Variants in STK32B observed in about 807,000 individuals in gnomAD.
STK32B encodes serine/threonine kinase 32B, also known as serine/threonine-protein kinase 32B.
A neutral mutation model predicts 52.6 loss-of-function variants in STK32B; 43 were observed. The ratio of observed to expected loss-of-function variants is 0.82; its 90% CI spans 0.64 to 1.05. STK32B has a LOEUF of 1.05. STK32B is among the 50% of genes least tolerant of loss of function. The pLI is 0.00. For synonymous variants in STK32B, 238 were observed against 204.3 expected, an observed-to-expected ratio of 1.17 and a Z score of -1.41; for missense variants, 621 against 534.6, an observed-to-expected ratio of 1.16 and a Z score of -1.59.
chr4:5,497,334 C>G (rs1419120500), intron 11 of STK32B, among the ~76,000 whole-genome samples: 2 of 152,188 alleles, frequency 1.3e-5, no homozygotes, highest in African/African-American at 4.8e-5. Context: ...CAAACACAGA[C>G]AGAAAATAAA....
chr4:5,493,626 G>A (rs1276312809), intron 11 of STK32B, among the ~76,000 whole-genome samples: 5 of 152,014 alleles, frequency 3.3e-5, no homozygotes, highest in African/African-American at 7.3e-5. Context: ...GCTAGCTTTT[G>A]GATGTGTTTG....
chr4:5,338,611 T>C (rs1196998260), intron 4 of STK32B, among the ~76,000 whole-genome samples: 2 of 152,216 alleles, frequency 1.3e-5, no homozygotes, highest in Admixed American at 1.3e-4. Flanking sequence ...AATGCCGATG[T>C]TCCAGAGCTG....
At chr4:5,032,956 A>G in the STK32B span, among the ~76,000 whole-genome samples, 1 of 152,034 alleles carries the variant, frequency 6.6e-6, no homozygotes, top group African/African-American at 2.4e-5. Context: ...TCATTTCTTC[A>G]TCTATAAAAT....
the STK32B span, among the ~76,000 whole-genome samples, chr4:5,039,986 C>T: frequency 2.0e-5 from 3 of 152,338 alleles, no homozygotes; most frequent in African/African-American, 2.4e-5. Flanking sequence ...TCCCACACCA[C>T]GGCTACTTCC....
chr4:5,492,519 A>C (rs1343730198), intron 11 of STK32B, among the ~76,000 whole-genome samples: 13 of 151,958 alleles, frequency 8.6e-5, no homozygotes, highest in African/African-American at 3.1e-4. Context: ...TGTCGTCTGC[A>C]AAGAGGGACA....
At chr4:5,439,177 C>G (rs1383538479) in intron 6 of STK32B, among the ~76,000 whole-genome samples, 2 of 149,122 alleles carry the variant, frequency 1.3e-5, no homozygotes, top group Admixed American at 6.7e-5. Flanking sequence ...GGAATCGCCA[C>G]ACTGACTTCC....
chr4:5,267,702 A>G (rs1383596096), intron 3 of STK32B, among the ~76,000 whole-genome samples: 4 of 152,206 alleles, frequency 2.6e-5, no homozygotes, highest in African/African-American at 9.6e-5. Context: ...ACAGCCAAAG[A>G]GTAGAGAGAG....
chr4:5,051,965 T>TC, intron 1 of STK32B, 50 bp downstream of exon 1: 1 of 1,553,430 alleles, frequency 6.4e-7, no homozygotes, highest in Non-Finnish European at 8.7e-7. Flanking sequence ...ATCCCCTTCC[T>TC]CCACCACCCT....
intron 6 of STK32B, 81 bp from the exon 7 acceptor site, chr4:5,446,592 T>G (rs3733183): frequency 1.7e-6 from 2 of 1,209,068 alleles, no homozygotes; most frequent in East Asian, 2.5e-5. Flanking sequence ...AAGCTCAATT[T>G]CTCTCCTTGT....
chr4:5,120,894 A>T (rs1294313194), intron 1 of STK32B, among the ~76,000 whole-genome samples: 4 of 151,634 alleles, frequency 2.6e-5, no homozygotes, highest in Non-Finnish European at 5.9e-5. Context: ...TTATAAAATT[A>T]TAATATATTT....
At chr4:5,189,460 T>C (rs1176091503) in intron 3 of STK32B, among the ~76,000 whole-genome samples, 1 of 152,234 alleles carries the variant, frequency 6.6e-6, no homozygotes, top group Non-Finnish European at 1.5e-5. Context: ...GTTTTAGTTT[T>C]CTGTATGTCT....
intron 1 of STK32B, among the ~76,000 whole-genome samples, chr4:5,124,651 G>T (rs1337589298): frequency 1.3e-5 from 2 of 152,210 alleles, no homozygotes; most frequent in Non-Finnish European, 2.9e-5. Flanking sequence ...TCCAGTTTGT[G>T]TTAGGCTACT....
Position 5,316,277 on chromosome 4 carries a change from T to C in STK32B, c.261-14943T>C, listed in dbSNP as rs1730712980. On this transcript the variant is annotated intron_variant, in intron 3 of 11. Coordinates refer to ENST00000282908, the MANE Select transcript of STK32B (RefSeq NM_018401.3). ...ATAATATATTATATAGTATATATAATATATTATATACAATATTATATATAA... is the reference window on the plus strand; with the variant it reads ...ATAATATATTATATAGTATATATAACATATTATATACAATATTATATATAA... 2.6e-5 allele frequency among the ~76,000 whole-genome samples: 2 copies of C among 76,954 alleles called. 1 individual carries two copies. The highest frequency in any genetic ancestry group is 1.4e-4 in the African/African-American group (2 of 14,612). The allele number at this position is 76,954 out of a possible 152,430, so 50.5% of individuals were successfully genotyped here.
At chr4:5,020,825 C>T in the STK32B span, among the ~76,000 whole-genome samples, 3 of 152,218 alleles carry the variant, frequency 2.0e-5, no homozygotes, top group African/African-American at 7.2e-5. Flanking sequence ...CTATGACCCT[C>T]ACAGCCAGCC....
chr4:5,049,361 C>A (rs1252713754), upstream of STK32B, among the ~76,000 whole-genome samples: 1 of 152,138 alleles, frequency 6.6e-6, no homozygotes, highest in African/African-American at 2.4e-5. Flanking sequence ...TTCTGTCATG[C>A]GTGTCCGTGT....
chr4:5,442,315 T>A (rs1714862589), intron 6 of STK32B, among the ~76,000 whole-genome samples: 1 of 152,128 alleles, frequency 6.6e-6, no homozygotes, highest in Admixed American at 6.6e-5. Flanking sequence ...ATATTTAGAA[T>A]AGTTAGCTCT....
chr4:5,037,509 T>C, the STK32B span, among the ~76,000 whole-genome samples: 1 of 152,216 alleles, frequency 6.6e-6, no homozygotes, highest in Non-Finnish European at 1.5e-5. Flanking sequence ...CCAGCTCTTC[T>C]GGTTCCCTAG....
chr4:5,446,790 C>T lies in STK32B; in HGVS notation c.666+14C>T, dbSNP rs1222108556. On this transcript the variant is annotated intron_variant, in intron 7 of 11. Transcript: ENST00000282908. ...CTGCGGGGCTGGGTAAGACAGGCAC[C>T]TGTGCGGTACACACGAGGGGCTGTG... The T allele has an allele frequency of 6.2e-7, 1 of 1,613,120 alleles. No individual in the cohort carries two copies. Among genetic ancestry groups the T allele is most frequent in the East Asian group, 2.2e-5 (1 of 44,830 alleles).
intron 2 of STK32B, among the ~76,000 whole-genome samples, chr4:5,149,287 A>G (rs866080264): frequency 1.5e-4 from 23 of 151,800 alleles, no homozygotes; most frequent in Non-Finnish European, 8.9e-5. Flanking sequence ...AAAAAAATCC[A>G]TTCTGACAAT....
Sources: allele counts gnomAD v4.1 joint callset (sites outside exome capture counted in the v4.1 genomes callset), GRCh38; gene constraint gnomAD v4.1.1; transcripts MANE v1.5; gene names NCBI Gene and HGNC (gene_info 2026-07-23, HGNC 2026-07-21).